STRBP: variants seen among roughly 807,000 people sequenced by gnomAD.
STRBP encodes spermatid perinuclear RNA-binding protein.
Under a neutral mutation model 80.1 loss-of-function variants are expected in STRBP, and 13 were observed. The observed-to-expected ratio is 0.16, with a 90% CI of 0.11 to 0.26. The LOEUF (loss-of-function observed/expected upper bound fraction) is 0.26, where lower values mean the gene tolerates loss of function less well. Among genes scored for constraint, STRBP ranks in the 10% least tolerant of loss-of-function variants. STRBP has a pLI of 1.00. For missense variants in STRBP, 485 were observed against 815.2 expected (o/e 0.59, Z 4.93); for synonymous variants, 284 against 291.2 (o/e 0.98, Z 0.25).
rs567142828 is a variant in STRBP, at chr9:123,192,358, T to A, written c.-164-8060A>T. On this transcript the variant is annotated intron_variant, in intron 2 of 18. Coordinates refer to ENST00000348403, the MANE Select transcript of STRBP (RefSeq NM_018387.5). Reference sequence around the variant, plus strand: ...AGAACAACTATACTCAAAGAAGGAATAACCTGAGAGATGGCAGGAAAATGA... The same window carrying A: ...AGAACAACTATACTCAAAGAAGGAAAAACCTGAGAGATGGCAGGAAAATGA... Among the ~76,000 whole-genome samples, 452 of 152,234 alleles carry A rather than the reference T, an allele frequency of 3.0e-3. 1 individual carries two copies. The highest frequency in any genetic ancestry group is 3.4e-3 in the Non-Finnish European group (228 of 67,998).
chr9:123,169,225 G>C (rs1366492068), intron 6 of STRBP, among the ~76,000 whole-genome samples: 7 of 150,160 alleles, frequency 4.7e-5, no homozygotes, highest in Non-Finnish European at 7.4e-5. Context: ...CTGGAGTGCA[G>C]TGTTGTGATC....
downstream of STRBP, among the ~76,000 whole-genome samples, chr9:123,120,273 C>CA (rs2035709483): frequency 6.6e-6 from 1 of 151,618 alleles, no homozygotes; most frequent in African/African-American, 2.4e-5. Flanking sequence ...AGCATGGCGT[C>CA]AGACTGTATA....
chr9:123,171,216 A>G (rs888498964), intron 5 of STRBP, among the ~76,000 whole-genome samples: 7 of 152,200 alleles, frequency 4.6e-5, no homozygotes, highest in Non-Finnish European at 1.5e-5. Context: ...AATAATAAAC[A>G]TAATATGCAT....
At chr9:123,151,617 TA>T (rs1180728917) in intron 11 of STRBP, among the ~76,000 whole-genome samples, 1 of 152,022 alleles carries the variant, frequency 6.6e-6, no homozygotes, top group African/African-American at 2.4e-5. Context: ...TAAAAGAAAG[TA>T]AAAAATAGCT....
At chr9:123,163,307 AAT>A (rs2037606493) in intron 6 of STRBP, among the ~76,000 whole-genome samples, 1 of 152,238 alleles carries the variant, frequency 6.6e-6, no homozygotes, top group Non-Finnish European at 1.5e-5. Context: ...CAATGGCAAA[AAT>A]ATTTTGATAA....
intron 1 of STRBP, among the ~76,000 whole-genome samples, chr9:123,250,433 A>C (rs2040888410): frequency 6.6e-6 from 1 of 152,226 alleles, no homozygotes; most frequent in Non-Finnish European, 1.5e-5. Context: ...TTTCCGATAA[A>C]TATCAACAGA....
chr9:123,262,982 T>C (rs1017079056), intron 1 of STRBP, among the ~76,000 whole-genome samples: 2 of 152,220 alleles, frequency 1.3e-5, no homozygotes, highest in Non-Finnish European at 2.9e-5. Flanking sequence ...ACACATACAT[T>C]AAACTTACAT....
At chr9:123,164,585 G>A (rs572067818) in intron 6 of STRBP, among the ~76,000 whole-genome samples, 3 of 152,096 alleles carry the variant, frequency 2.0e-5, no homozygotes, top group Non-Finnish European at 4.4e-5. Flanking sequence ...CACCAGCCTG[G>A]AGATGGGGCT....
intron 2 of STRBP, among the ~76,000 whole-genome samples, chr9:123,225,447 C>T (rs1224468518): frequency 1.3e-5 from 2 of 152,160 alleles, no homozygotes; most frequent in Non-Finnish European, 1.5e-5. Context: ...GTGGTATACA[C>T]GTGTTATTTC....
intron 3 of STRBP, among the ~76,000 whole-genome samples, chr9:123,182,336 A>G (rs1286177842): frequency 6.6e-6 from 1 of 151,938 alleles, no homozygotes; most frequent in Non-Finnish European, 1.5e-5. Context: ...AAGAGAAACC[A>G]GAAAATACTC....
chr9:123,165,107 C>G (rs1418305223), intron 6 of STRBP, among the ~76,000 whole-genome samples: 1 of 151,824 alleles, frequency 6.6e-6, no homozygotes, highest in Non-Finnish European at 1.5e-5. Flanking sequence ...ATGGTGAAAC[C>G]CCGTCTCTAC....
At chr9:123,235,271 G>C (rs1312437359) in intron 2 of STRBP, among the ~76,000 whole-genome samples, 1 of 150,826 alleles carries the variant, frequency 6.6e-6, no homozygotes, top group East Asian at 1.9e-4. Flanking sequence ...AGAAGTTGAA[G>C]GATAAGCCTT....
chr9:123,210,069 G>T (rs1453523648), intron 2 of STRBP, among the ~76,000 whole-genome samples: 1 of 152,158 alleles, frequency 6.6e-6, no homozygotes, highest in African/African-American at 2.4e-5. Context: ...TGAGCAATTT[G>T]TAGTTATATA....
chr9:123,260,406 T>C (rs2041135788), intron 1 of STRBP, among the ~76,000 whole-genome samples: 1 of 152,194 alleles, frequency 6.6e-6, no homozygotes, highest in African/African-American at 2.4e-5. Context: ...CCAAGAACCT[T>C]TGTGTTAAGA....
Position 123,122,394 on chromosome 9 carries a change from T to C in STRBP, c.*3203A>G. The C allele has an allele frequency of 8.0e-7, 1 of 1,249,770 alleles. No individual in the cohort carries two copies. Among genetic ancestry groups the C allele is most frequent in the Admixed American group, 2.6e-5 (1 of 37,898 alleles). The allele number at this position is 1,249,770 out of a possible 1,614,324, so 77.4% of individuals were successfully genotyped here. On this transcript the variant is annotated 3_prime_UTR_variant, in exon 19 of 19. Coordinates refer to ENST00000348403, the MANE Select transcript of STRBP (RefSeq NM_018387.5). ...TAACGAGGTATTCCCAGCTCTTCAA[T>C]TAATAATGGTGGCTGATTCATGATT...
intron 2 of STRBP, among the ~76,000 whole-genome samples, chr9:123,211,196 C>T (rs1293527801): frequency 2.6e-5 from 4 of 151,940 alleles, no homozygotes; most frequent in African/African-American, 9.7e-5. Flanking sequence ...ATAGATTATT[C>T]GACAAAGTGA....
chr9:123,200,246 T>C (rs1227956406), intron 2 of STRBP, among the ~76,000 whole-genome samples: 1 of 152,206 alleles, frequency 6.6e-6, no homozygotes, highest in Non-Finnish European at 1.5e-5. Flanking sequence ...TTCGATTCTG[T>C]ACCCATTCTG....
At chr9:123,119,804 G>A (rs2035701756), downstream of STRBP, among the ~76,000 whole-genome samples, 1 of 152,150 alleles carries the variant, frequency 6.6e-6, no homozygotes, top group African/African-American at 2.4e-5. Context: ...TAATTCCTGA[G>A]CCCCATGGGA....
At chr9:123,189,555 G>T (rs2038843609) in intron 2 of STRBP, among the ~76,000 whole-genome samples, 1 of 152,022 alleles carries the variant, frequency 6.6e-6, no homozygotes, top group East Asian at 1.9e-4. Context: ...TAGGAATATG[G>T]ATGAAGCTGG....
Sources: allele counts gnomAD v4.1 joint callset (sites outside exome capture counted in the v4.1 genomes callset), GRCh38; gene constraint gnomAD v4.1.1; transcripts MANE v1.5; gene names NCBI Gene and HGNC (gene_info 2026-07-23, HGNC 2026-07-21).